Variants in RALY observed in about 807,000 individuals in gnomAD.
The protein encoded by RALY is RNA-binding protein Raly.
In RALY, 15 loss-of-function variants were observed where a neutral mutation model predicts 30.7. The ratio of observed to expected loss-of-function variants is 0.49; its 90% CI spans 0.33 to 0.75. The LOEUF (loss-of-function observed/expected upper bound fraction) is 0.75, where lower values mean the gene tolerates loss of function less well. Among genes scored for constraint, RALY ranks in the 30% least tolerant of loss-of-function variants. RALY has a pLI of 0.02. For missense variants in RALY, 339 were observed against 414.3 expected (o/e 0.82, Z 1.58); for synonymous variants, 177 against 170.8 (o/e 1.04, Z -0.28).
At chr20:34,028,297 A>G (rs180778643) in intron 1 of RALY, among the ~76,000 whole-genome samples, 4 of 151,992 alleles carry the variant, frequency 2.6e-5, no homozygotes, top group African/African-American at 9.7e-5. Flanking sequence ...AAAAAAAAAA[A>G]AAAGAAATCT....
In RALY at chr20:33,999,462, AAG is replaced by A. The variant is rs765785371; in HGVS notation, c.-93+5336_-93+5337del. ...TGGATGATGCAAACATTAGTTTAGGAAGAGAGGAGATATTCAATCCTAGACAT... is the reference window on the plus strand; with the variant it reads ...TGGATGATGCAAACATTAGTTTAGGAAGAGGAGATATTCAATCCTAGACAT... On this transcript the variant is annotated intron_variant, in intron 1 of 9. Coordinates refer to ENST00000246194, the MANE Select transcript of RALY (RefSeq NM_016732.3). Among the ~76,000 whole-genome samples, 86 of 152,290 alleles carry A rather than the reference AAG, an allele frequency of 5.6e-4. 1 individual carries two copies. The highest frequency in any genetic ancestry group is 1.0e-3 in the Non-Finnish European group (69 of 68,024).
chr20:34,053,328 TA>T (rs1283383385), intron 2 of RALY, among the ~76,000 whole-genome samples: 1 of 150,330 alleles, frequency 6.7e-6, no homozygotes, highest in Admixed American at 6.7e-5. Flanking sequence ...AAATTAGTGA[TA>T]GACCCTTTTC....
chr20:34,064,037 T>A (rs2033495375), intron 2 of RALY, among the ~76,000 whole-genome samples: 1 of 152,202 alleles, frequency 6.6e-6, no homozygotes, highest in Admixed American at 6.5e-5. Flanking sequence ...TATTTGATAA[T>A]ACCTGGCCCA....
intron 1 of RALY, chr20:34,029,821 AG>A (rs1233618222): frequency 6.6e-6 from 1 of 152,430 alleles, no homozygotes; most frequent in Non-Finnish European, 1.5e-5. Context: ...CCAGACCTGG[AG>A]GCCCCCCGCA....
intron 1 of RALY, among the ~76,000 whole-genome samples, chr20:34,013,876 C>T (rs2031506925): frequency 6.6e-6 from 1 of 152,094 alleles, no homozygotes; most frequent in African/African-American, 2.4e-5. Context: ...TGCATTGATA[C>T]TTATAGTATA....
chr20:34,075,170 A>G (rs1568698036), intron 5 of RALY, among the ~76,000 whole-genome samples: 2 of 152,018 alleles, frequency 1.3e-5, no homozygotes. Flanking sequence ...ATACTCTACC[A>G]AGCCCCTGGC....
intron 2 of RALY, among the ~76,000 whole-genome samples, chr20:34,039,650 A>T (rs1168215034): frequency 6.6e-6 from 1 of 152,170 alleles, no homozygotes; most frequent in African/African-American, 2.4e-5. Context: ...ATTTCAGGCC[A>T]TTCAATTTGC....
chr20:34,048,297 TCTCTCGTGCTC>T (rs1432283536), intron 2 of RALY, among the ~76,000 whole-genome samples: 1 of 152,130 alleles, frequency 6.6e-6, no homozygotes, highest in African/African-American at 2.4e-5. Context: ...GAGTCGTGTG[TCTCTCGTGCTC>T]CTGGGGGGAT....
chr20:34,027,829 G>T (rs1280520447), intron 1 of RALY, among the ~76,000 whole-genome samples: 1 of 152,204 alleles, frequency 6.6e-6, no homozygotes, highest in East Asian at 1.9e-4. Context: ...TCCTAACTCT[G>T]CCCTTTTCCT....
chr20:34,074,572 C>T (rs977613288), intron 5 of RALY, among the ~76,000 whole-genome samples: 2 of 146,286 alleles, frequency 1.4e-5, no homozygotes, highest in Admixed American at 6.7e-5. Flanking sequence ...CCCTGTGAGT[C>T]GTTTCAGGAG....
intron 1 of RALY, among the ~76,000 whole-genome samples, chr20:34,009,653 G>A (rs2031314894): frequency 6.6e-6 from 1 of 152,006 alleles, no homozygotes; most frequent in African/African-American, 2.4e-5. Context: ...TTGGAGCTTC[G>A]GCCAAATTTG....
rs2034019899 is a variant in RALY at position 34,080,911 on chromosome 20, A to C, written c.*1006A>C. 1 of 152,228 alleles carries C rather than the reference A, an allele frequency of 6.6e-6. No homozygotes were observed. The highest frequency in any genetic ancestry group is 6.5e-5 in the Admixed American group (1 of 15,280). 9.4% of individuals were successfully genotyped at this position (152,228 alleles called of 1,614,324 possible). A position where few individuals can be genotyped will look rare whatever the true frequency, so the allele number is the denominator to read the frequency against. The stretch of plus-strand genomic sequence containing the variant: ...GGGCAGGTTTGGTAGCAAGGAATAG[A>C]GCGTACTCCAGTGACAGCAATCAGT... On this transcript the variant is annotated 3_prime_UTR_variant, in exon 10 of 10. Coordinates refer to ENST00000246194, the MANE Select transcript of RALY (RefSeq NM_016732.3).
intron 2 of RALY, among the ~76,000 whole-genome samples, chr20:34,037,473 C>T (rs1167803284): frequency 6.6e-6 from 1 of 152,156 alleles, no homozygotes; most frequent in Non-Finnish European, 1.5e-5. Flanking sequence ...CCTCTTTTGC[C>T]TGTTACAACT....
At chr20:34,076,956 G>T in intron 7 of RALY, 72 bp from the exon 8 acceptor site, 1 of 1,606,922 alleles carries the variant, frequency 6.2e-7, no homozygotes, top group Non-Finnish European at 8.5e-7. Flanking sequence ...GCCAGCTTCC[G>T]CTAAGGTGCT....
At chr20:34,009,471 T>C (rs1448856001) in intron 1 of RALY, among the ~76,000 whole-genome samples, 1 of 151,982 alleles carries the variant, frequency 6.6e-6, no homozygotes, top group Non-Finnish European at 1.5e-5. Context: ...CTCCTGACCT[T>C]GTGATCTGCC....
intron 1 of RALY, among the ~76,000 whole-genome samples, chr20:34,025,688 A>ATTT (rs1568662536): frequency 5.6e-4 from 83 of 147,680 alleles, no homozygotes; most frequent in African/African-American, 1.9e-3. Flanking sequence ...TGCTATTTTA[A>ATTT]AAAAAAAAAA....
In RALY at chr20:34,068,871, C is replaced by T. The variant is rs541644286; in HGVS notation, c.-9-3195C>T. ...TGCACACCCCCACAGATACCTGTCT[C>T]CTTGGGCTGAGGGAGTCCACACAAC... On this transcript the variant is annotated intron_variant, in intron 2 of 9. Coordinates refer to ENST00000246194, the MANE Select transcript of RALY (RefSeq NM_016732.3). Among the ~76,000 whole-genome samples the T allele has an allele frequency of 8.5e-5, 13 of 152,318 alleles. 1 individual carries two copies. The South Asian group carries it at 2.7e-3, about 32-fold the overall frequency.
intron 2 of RALY, among the ~76,000 whole-genome samples, chr20:34,071,018 G>A (rs1184481309): frequency 6.6e-6 from 1 of 152,060 alleles, no homozygotes; most frequent in South Asian, 2.1e-4. Context: ...GACAGTGGGA[G>A]GTGCTACACA....
intron 2 of RALY, among the ~76,000 whole-genome samples, chr20:34,040,668 G>C (rs1287695805): frequency 6.6e-6 from 1 of 152,154 alleles, no homozygotes; most frequent in Non-Finnish European, 1.5e-5. Context: ...CATACTGTGT[G>C]CCAGGTATTG....
Sources: gnomAD v4.1 joint callset for allele counts (sites outside exome capture counted in the v4.1 genomes callset) on GRCh38, gnomAD v4.1.1 for gene constraint, MANE v1.5 for transcripts, NCBI Gene and HGNC (gene_info 2026-07-23, HGNC 2026-07-21) for gene names.